The following ZMAT4 variants were observed in gnomAD, a reference collection of about 807,000 sequenced individuals.
ZMAT4 encodes the protein zinc finger matrin-type protein 4.
A neutral mutation model predicts 28.7 loss-of-function variants in ZMAT4; 17 were observed. That is an observed-to-expected ratio of 0.59 (90% CI 0.41 to 0.89). ZMAT4 has a LOEUF of 0.89. ZMAT4 is among the 40% of genes least tolerant of loss of function. The pLI, the probability that ZMAT4 is intolerant of heterozygous loss-of-function variation, is 0.00. For synonymous variants in ZMAT4, 117 were observed against 109.2 expected (o/e 1.07, Z -0.44); for missense variants, 240 against 283.8 (o/e 0.85, Z 1.11).
chr8:40,600,811 T>A (rs2118611975), intron 5 of ZMAT4, among the ~76,000 whole-genome samples: 2 of 152,176 alleles, frequency 1.3e-5, no homozygotes, highest in Middle Eastern at 6.8e-3. Flanking sequence ...GCCATCCCCA[T>A]CCCTTCCCAG....
intron 1 of ZMAT4, among the ~76,000 whole-genome samples, chr8:40,846,866 C>G (rs1554570393): frequency 6.6e-6 from 1 of 152,150 alleles, no homozygotes; most frequent in Non-Finnish European, 1.5e-5. Context: ...TCAGGCTGTT[C>G]TGTATGGCTT....
intron 5 of ZMAT4, among the ~76,000 whole-genome samples, chr8:40,612,011 A>G (rs911459806): frequency 6.6e-6 from 1 of 152,188 alleles, no homozygotes; most frequent in South Asian, 2.1e-4. Context: ...TGGGAGGAGC[A>G]TGGGCATTGG....
At chr8:40,624,709 C>A (rs1258672269) in intron 5 of ZMAT4, among the ~76,000 whole-genome samples, 1 of 152,188 alleles carries the variant, frequency 6.6e-6, no homozygotes, top group Admixed American at 6.5e-5. Context: ...AAAGGATTCC[C>A]TCTTAACTGG....
At chr8:40,887,694 A>G (rs1399982867) in intron 1 of ZMAT4, among the ~76,000 whole-genome samples, 1 of 152,126 alleles carries the variant, frequency 6.6e-6, no homozygotes, top group Non-Finnish European at 1.5e-5. Flanking sequence ...CAACAGGAAC[A>G]AAACCCAGAG....
chr8:40,859,198 G>C (rs1586179057), intron 1 of ZMAT4, among the ~76,000 whole-genome samples: 1 of 152,278 alleles, frequency 6.6e-6, no homozygotes, highest in Non-Finnish European at 1.5e-5. Flanking sequence ...TGCCTTCAAG[G>C]TGCCGTGATT....
chr8:40,881,560 AAGAAAG>A (rs1818260906), intron 1 of ZMAT4, among the ~76,000 whole-genome samples: 9 of 101,444 alleles, frequency 8.9e-5, no homozygotes, highest in African/African-American at 1.6e-4. Context: ...GAAAGAAAGA[AAGAAAG>A]AAAGAAAGAA....
At chr8:40,703,281 T>C (rs1810222532) in intron 3 of ZMAT4, among the ~76,000 whole-genome samples, 1 of 152,176 alleles carries the variant, frequency 6.6e-6, no homozygotes, top group South Asian at 2.1e-4. Flanking sequence ...CATGAGTTTT[T>C]ATAGCCACAT....
intron 2 of ZMAT4, among the ~76,000 whole-genome samples, chr8:40,780,497 A>G (rs1487836431): frequency 1.3e-5 from 2 of 152,190 alleles, no homozygotes; most frequent in East Asian, 3.8e-4. Context: ...CCCTTGCTCA[A>G]TGTTCCTGTT....
At chr8:40,697,161 G>A in intron 4 of ZMAT4, 84 bp downstream of exon 4, 1 of 1,437,174 alleles carries the variant, frequency 7.0e-7, no homozygotes, top group East Asian at 2.4e-5. Flanking sequence ...TCTGGCAACT[G>A]CGTCTGAAGG....
intron 1 of ZMAT4, among the ~76,000 whole-genome samples, chr8:40,878,090 C>T (rs1818100821): frequency 6.6e-6 from 1 of 152,182 alleles, no homozygotes; most frequent in African/African-American, 2.4e-5. Context: ...AAAAGCTCTA[C>T]AATGAATGAA....
At chr8:40,731,721 G>T (rs1197273040) in intron 3 of ZMAT4, among the ~76,000 whole-genome samples, 1 of 152,128 alleles carries the variant, frequency 6.6e-6, no homozygotes, top group Non-Finnish European at 1.5e-5. Flanking sequence ...AAAAAGTCAA[G>T]AAAATGATTT....
rs1392361436 is a variant in ZMAT4, at chr8:40,782,474, T to A, written c.103-14744A>T. Among the ~76,000 whole-genome samples the A allele has an allele frequency of 3.3e-5, 5 of 152,144 alleles. No individual in the cohort carries two copies. In the East Asian group the frequency reaches 9.6e-4, roughly 29 times the overall value. ...ACAGAATGGGAGAAATATTTTCAAA[T>A]CATGTATCTGTTAAGGGACTTTTAT... is the stretch of plus-strand genomic sequence containing the variant. On this transcript the variant is annotated intron_variant, in intron 2 of 6. Transcript: ENST00000297737.
At chr8:40,794,079 G>A (rs900268537) in intron 2 of ZMAT4, among the ~76,000 whole-genome samples, 1 of 150,338 alleles carries the variant, frequency 6.7e-6, no homozygotes, top group Admixed American at 6.6e-5. Flanking sequence ...GACATCAAAA[G>A]GCAATTTTTT....
chr8:40,633,702 A>G (rs900515094), intron 5 of ZMAT4, among the ~76,000 whole-genome samples: 2 of 152,146 alleles, frequency 1.3e-5, no homozygotes, highest in Admixed American at 1.3e-4. Context: ...TTTGAGTCTG[A>G]CTGGGAGCTT....
chr8:40,779,400 C>T (rs1226967906), intron 2 of ZMAT4, among the ~76,000 whole-genome samples: 1 of 151,716 alleles, frequency 6.6e-6, no homozygotes, highest in East Asian at 1.9e-4. Flanking sequence ...CTATGTCATG[C>T]CTCTCCCTCA....
intron 2 of ZMAT4, among the ~76,000 whole-genome samples, chr8:40,799,739 A>G (rs2150585774): frequency 6.6e-6 from 1 of 152,318 alleles, no homozygotes; most frequent in African/African-American, 2.4e-5. Flanking sequence ...CAATGTATTC[A>G]ATTGTATAAG....
intron 2 of ZMAT4, 66 bp downstream of exon 2, chr8:40,825,509 C>A: frequency 7.3e-7 from 1 of 1,364,862 alleles, no homozygotes; most frequent in Non-Finnish European, 1.0e-6. Context: ...ATCCTGGAGT[C>A]CTACAACAAT....
At chr8:40,638,568 T>A (rs1806883215) in intron 5 of ZMAT4, among the ~76,000 whole-genome samples, 1 of 152,166 alleles carries the variant, frequency 6.6e-6, no homozygotes, top group Non-Finnish European at 1.5e-5. Flanking sequence ...GTTCAGAGAA[T>A]CAATGGCAAC....
At chr8:40,558,474 G>A (rs1803620399) in intron 6 of ZMAT4, among the ~76,000 whole-genome samples, 3 of 152,094 alleles carry the variant, frequency 2.0e-5, no homozygotes, top group Admixed American at 1.3e-4. Flanking sequence ...GAGGCGTGTG[G>A]AGGTGGAGTC....
Sources: allele counts gnomAD v4.1 joint callset (sites outside exome capture counted in the v4.1 genomes callset), GRCh38; gene constraint gnomAD v4.1.1; transcripts MANE v1.5; gene names NCBI Gene and HGNC (gene_info 2026-07-23, HGNC 2026-07-21).